Variants in DOCK1 observed in about 807,000 individuals in gnomAD.
DOCK1 encodes dedicator of cytokinesis protein 1.
Under a neutral mutation model 262.7 loss-of-function variants are expected in DOCK1, and 138 were observed. That is an observed-to-expected ratio of 0.53 (90% confidence interval 0.46 to 0.61). The LOEUF (loss-of-function observed/expected upper bound fraction) is 0.61, where lower values mean the gene tolerates loss of function less well. Among genes scored for constraint, DOCK1 ranks in the 20% least tolerant of loss-of-function variants. The probability of loss-of-function intolerance (pLI) is 0.00; values close to 1 mark genes in which losing one functional copy is unlikely to be tolerated. For missense variants in DOCK1, 1,908 were observed against 2,370.7 expected (o/e 0.80, Z 4.05); for synonymous variants, 866 against 867.4 (o/e 1.00, Z 0.03).
intron 9 of DOCK1, among the ~76,000 whole-genome samples, chr10:126,999,746 G>T (rs567871614): frequency 1.1e-3 from 165 of 152,168 alleles, no homozygotes; most frequent in African/African-American, 3.4e-3. Context: ...GCGTGATCTC[G>T]GCTCACTGCA....
chr10:127,436,036 A>T (rs983910043), intron 48 of DOCK1, among the ~76,000 whole-genome samples: 1 of 152,200 alleles, frequency 6.6e-6, no homozygotes, highest in Non-Finnish European at 1.5e-5. Flanking sequence ...AGTTCTGCTA[A>T]ACCTAGAATA....
intron 1 of DOCK1, among the ~76,000 whole-genome samples, chr10:126,947,578 G>C (rs1245009196): frequency 1.0e-4 from 12 of 115,546 alleles, no homozygotes; most frequent in African/African-American, 4.2e-4. Context: ...ACTGTTGGTG[G>C]TGGTGGTGGT....
At chr10:127,286,992 C>T (rs1470934351) in intron 29 of DOCK1, among the ~76,000 whole-genome samples, 1 of 151,220 alleles carries the variant, frequency 6.6e-6, no homozygotes, top group African/African-American at 2.4e-5. Context: ...TCTCCTGCCT[C>T]AGCCTCCTGG....
At chr10:127,292,262 C>A (rs867255989) in intron 29 of DOCK1, among the ~76,000 whole-genome samples, 21 of 152,234 alleles carry the variant, frequency 1.4e-4, no homozygotes, top group Middle Eastern at 3.4e-3. Flanking sequence ...AAATGCCCAT[C>A]CAGACACTGT....
chr10:127,000,381 G>A, intron 10 of DOCK1, 74 bp downstream of exon 10: 1 of 1,566,434 alleles, frequency 6.4e-7, no homozygotes. Flanking sequence ...ACTGTTGAAT[G>A]TTGATTGGAC....
intron 1 of DOCK1, among the ~76,000 whole-genome samples, chr10:126,911,212 A>G (rs2031712305): frequency 6.6e-6 from 1 of 152,072 alleles, no homozygotes; most frequent in Non-Finnish European, 1.5e-5. Flanking sequence ...ATCATTTGTC[A>G]CCGTCCTTAT....
chr10:126,909,719 G>A (rs1034442007), intron 1 of DOCK1, among the ~76,000 whole-genome samples: 1 of 152,164 alleles, frequency 6.6e-6, no homozygotes, highest in Admixed American at 6.5e-5. Flanking sequence ...GCTTGCTGCC[G>A]AGTCGTGAGG....
chr10:126,950,016 T>G (rs1255846682), intron 1 of DOCK1, among the ~76,000 whole-genome samples: 1 of 151,886 alleles, frequency 6.6e-6, no homozygotes, highest in African/African-American at 2.4e-5. Context: ...CTTCTAGACC[T>G]GCGTCTTTGA....
chr10:127,107,255 C>T (rs981054288), intron 24 of DOCK1, among the ~76,000 whole-genome samples: 1 of 152,098 alleles, frequency 6.6e-6, no homozygotes, highest in Non-Finnish European at 1.5e-5. Flanking sequence ...ATGAAGCCCT[C>T]CTAAATATTA....
chr10:127,318,367 C>T (rs1236340052), intron 29 of DOCK1, among the ~76,000 whole-genome samples: 1 of 152,140 alleles, frequency 6.6e-6, no homozygotes, highest in Non-Finnish European at 1.5e-5. Context: ...TCCCAGCACA[C>T]TGAAGGAGAG....
At chr10:127,404,576 G>A (rs1414009728) in intron 40 of DOCK1, 147 bp downstream of exon 40, 10 of 687,914 alleles carry the variant, frequency 1.5e-5, no homozygotes, top group Non-Finnish European at 2.2e-5. Context: ...AGCCCGGGGG[G>A]CAGAGAGGGG....
chr10:127,222,016 TGC>T (rs2058454483), intron 27 of DOCK1, among the ~76,000 whole-genome samples: 1 of 146,922 alleles, frequency 6.8e-6, no homozygotes, highest in Non-Finnish European at 1.5e-5. Context: ...ACTTGCTTGC[TGC>T]GTAACAAAGT....
Position 127,176,463 on chromosome 10 carries a change from G to C in DOCK1, c.2847+48699G>C. On this transcript the variant is annotated intron_variant, in intron 27 of 51. Transcript: ENST00000623213. The surrounding 1 kb of genome is among the most constrained non-coding windows in gnomAD (Gnocchi z 4.4). Reference sequence around the variant, plus strand: ...AGAAATACACACTCAAGCACCGGCCGCACAAACTTTTAGCCACCACGACGA... The same window carrying C: ...AGAAATACACACTCAAGCACCGGCCCCACAAACTTTTAGCCACCACGACGA... The C allele has an allele frequency of 7.3e-7, 1 of 1,377,578 alleles. No homozygotes were observed. The highest frequency in any genetic ancestry group is 9.8e-7 in the Non-Finnish European group (1 of 1,015,276). The allele number at this position is 1,377,578 out of a possible 1,614,324, so 85.3% of individuals were successfully genotyped here.
At chr10:126,997,773 G>A in intron 7 of DOCK1, 1 of 294,862 alleles carries the variant, frequency 3.4e-6, no homozygotes, top group Non-Finnish European at 6.5e-6. Context: ...TGTCCTTGGA[G>A]GGTTTAGTCT....
chr10:127,105,298 A>T (rs1355472783), intron 23 of DOCK1, among the ~76,000 whole-genome samples: 1 of 152,214 alleles, frequency 6.6e-6, no homozygotes, highest in Non-Finnish European at 1.5e-5. Context: ...GGACTAATAC[A>T]GGAGGTCTGT....
chr10:127,292,444 G>A (rs1010118004), intron 29 of DOCK1, among the ~76,000 whole-genome samples: 3 of 152,082 alleles, frequency 2.0e-5, no homozygotes, highest in Admixed American at 6.5e-5. Context: ...AACAGTACAC[G>A]GAGGCCTTTC....
intron 27 of DOCK1, chr10:127,135,949 C>T (rs2050654136): frequency 6.6e-6 from 1 of 152,558 alleles, no homozygotes; most frequent in Non-Finnish European, 1.5e-5. Flanking sequence ...AAACATGAAA[C>T]CCATTTTTAA....
chr10:127,108,262 T>C (rs1345381941), intron 24 of DOCK1, among the ~76,000 whole-genome samples: 2 of 152,170 alleles, frequency 1.3e-5, no homozygotes, highest in Admixed American at 1.3e-4. Context: ...CTGGATCCCT[T>C]ACACACATAC....
At chr10:127,137,815 G>T (rs1217694874) in intron 27 of DOCK1, 1 of 1,598,042 alleles carries the variant, frequency 6.3e-7, no homozygotes. Flanking sequence ...AGACGGCCTC[G>T]AGACTCCAGA....
Sources: gnomAD v4.1 joint callset for allele counts (sites outside exome capture counted in the v4.1 genomes callset) on GRCh38, gnomAD v4.1.1 for gene constraint, Gnocchi (gnomAD v3.1) non-coding constraint, MANE v1.5 for transcripts, NCBI Gene and HGNC (gene_info 2026-07-23, HGNC 2026-07-21) for gene names.